Variants in DNAH10 observed in about 807,000 individuals in gnomAD.
The protein encoded by DNAH10 is axonemal beta dynein heavy chain 10.
In DNAH10, 348 loss-of-function variants were observed where a neutral mutation model predicts 506.6. That is an observed-to-expected ratio of 0.69 (90% CI 0.63 to 0.75). The LOEUF (loss-of-function observed/expected upper bound fraction) is 0.75. DNAH10 is among the 30% of genes least tolerant of loss of function. DNAH10 has a pLI of 0.00. For synonymous variants in DNAH10, 2,059 were observed against 2,198.6 expected (o/e 0.94, Z 1.78); for missense variants, 5,179 against 5,787.1 (o/e 0.89, Z 3.41).
In DNAH10 at chr12:123,929,364, C is replaced by A. The variant is rs1362914781; in HGVS notation, c.12396C>A (p.His4132Gln). Residue 4132 changes from histidine (H) to glutamine (Q), a missense_variant, in exon 71 of 79, where the codon CAC (histidine) becomes CAA (glutamine). Coordinates refer to ENST00000673944, the MANE Select transcript of DNAH10 (RefSeq NM_001372106.1). Reference protein sequence around the residue: ...ISHEMLDQCPHPAFKPLVYVL... With the variant: ...ISHEMLDQCPQPAFKPLVYVL... Reference sequence around the variant, plus strand: ...ACGAAATGCTGGACCAGTGCCCGCACCCTGCCTTCAAGCCGCTGGTCTACG... The same window carrying A: ...ACGAAATGCTGGACCAGTGCCCGCAACCTGCCTTCAAGCCGCTGGTCTACG... 6.2e-7 allele frequency: 1 copy of A among 1,611,642 alleles called. No individual in the cohort carries two copies. The highest frequency in any genetic ancestry group is 1.1e-5 in the South Asian group (1 of 90,320).
intron 5 of DNAH10, among the ~76,000 whole-genome samples, chr12:123,777,719 C>T (rs1300684456): frequency 6.6e-6 from 1 of 152,198 alleles, no homozygotes; most frequent in Non-Finnish European, 1.5e-5. Context: ...GAGCATGGCT[C>T]ACTGCAGCCT....
intron 26 of DNAH10, among the ~76,000 whole-genome samples, chr12:123,831,061 C>T (rs1176802021): frequency 6.6e-6 from 1 of 152,010 alleles, no homozygotes; most frequent in Non-Finnish European, 1.5e-5. Context: ...TTTTGTTGTT[C>T]CCAATTGTAG....
Position 123,909,463 on chromosome 12 carries a change from G to A in DNAH10, c.9997+21G>A. The A allele has an allele frequency of 6.5e-7, 1 of 1,536,916 alleles. No individual in the cohort carries two copies. The highest frequency in any genetic ancestry group is 8.8e-7 in the Non-Finnish European group (1 of 1,138,102). ...CAAAGGTGAGTGTAGCCACGTGTGG[G>A]AATCGCCAGGGTGGATCTCGGTCTG... On this transcript the variant is annotated intron_variant, in intron 58 of 78. Coordinates refer to ENST00000673944, the MANE Select transcript of DNAH10 (RefSeq NM_001372106.1). The surrounding 1 kb of genome is among the most constrained non-coding windows in gnomAD (Gnocchi z 5.4).
chr12:123,859,833 G>C (rs774204145), intron 38 of DNAH10, among the ~76,000 whole-genome samples: 6 of 151,988 alleles, frequency 3.9e-5, no homozygotes, highest in Non-Finnish European at 8.8e-5. Context: ...AGGATTTTGA[G>C]AACAGCCTGG....
At position 123,897,767 on chromosome 12, in the gene DNAH10, C is replaced by A; in HGVS notation, c.9281-3C>A. Reference sequence around the variant, plus strand: ...AAAACATTTTTTATTCCTTCCTCTTCAGGGTATAATCCAATGATCCCGGCA... The same window carrying A: ...AAAACATTTTTTATTCCTTCCTCTTAAGGGTATAATCCAATGATCCCGGCA... On this transcript the variant is annotated splice_region_variant and splice_polypyrimidine_tract_variant and intron_variant, in intron 54 of 78. Transcript: ENST00000673944. 1 of 1,595,790 alleles carries A rather than the reference C, an allele frequency of 6.3e-7. No individual in the cohort carries two copies. Among genetic ancestry groups the A allele is most frequent in the Non-Finnish European group, 8.5e-7 (1 of 1,175,518 alleles).
intron 38 of DNAH10, among the ~76,000 whole-genome samples, chr12:123,860,302 G>A (rs1260293582): frequency 6.6e-6 from 1 of 152,196 alleles, no homozygotes; most frequent in Non-Finnish European, 1.5e-5. Flanking sequence ...AAAACCAGTC[G>A]ACAGTGGCTT....
chr12:123,866,496 G>A (rs1951817835), intron 41 of DNAH10, among the ~76,000 whole-genome samples: 1 of 152,078 alleles, frequency 6.6e-6, no homozygotes, highest in Non-Finnish European at 1.5e-5. Context: ...GCCCGCCTCA[G>A]CCTCCCAAAG....
At position 123,925,121 on chromosome 12, in the gene DNAH10, G is replaced by A; in HGVS notation, c.11838G>A (p.Gln3946=). The change falls in exon 68 of 79, where the codon CAG becomes CAA. Residue 3946 remains glutamine, a synonymous_variant. Transcript: ENST00000673944. The surrounding 1 kb of genome is among the most constrained non-coding windows in gnomAD (Gnocchi z 4.0). ...ACGATAACAACATCACCCCTTTCCAGAAGTTGCTTATTTTGCGCTGTTTCC... is the reference window on the plus strand; with the variant it reads ...ACGATAACAACATCACCCCTTTCCAAAAGTTGCTTATTTTGCGCTGTTTCC... ...LGYDNNITPF[Q]KLLILRCFRV... is the part of the protein sequence containing the mutation. 1 of 1,614,050 alleles carries A rather than the reference G, an allele frequency of 6.2e-7. No homozygotes were observed. The highest frequency in any genetic ancestry group is 8.5e-7 in the Non-Finnish European group (1 of 1,179,896).
At position 123,784,061 on chromosome 12, in the gene DNAH10, G is replaced by A. The variant is rs1351107783; in HGVS notation, c.1114G>A (p.Glu372Lys). 6.2e-7 allele frequency: 1 copy of A among 1,613,982 alleles called. No individual in the cohort carries two copies. The highest frequency in any genetic ancestry group is 1.1e-5 in the South Asian group (1 of 91,082). The change falls in exon 8 of 79, where the codon GAA (glutamate) becomes AAA (lysine). Residue 372 changes from glutamate to lysine, a missense_variant. Coordinates refer to ENST00000673944, the MANE Select transcript of DNAH10 (RefSeq NM_001372106.1). ...IVRKVLDVIK[E>K]SDSMLVANLQ... Reference sequence around the variant, plus strand: ...CAGAAAAGTCTTGGATGTGATCAAGGAATCCGACTCCATGCTTGTGGCTAA... The same window carrying A: ...CAGAAAAGTCTTGGATGTGATCAAGAAATCCGACTCCATGCTTGTGGCTAA...
In DNAH10 at chr12:123,853,813, C is replaced by T. The variant is rs7980570; in HGVS notation, c.6438+461C>T. Among the ~76,000 whole-genome samples the T allele has an allele frequency of 0.33, 49,844 of 151,674 alleles. 8,278 individuals carry two copies. Among genetic ancestry groups the T allele is most frequent in the Middle Eastern group, 0.41 (121 of 294 alleles). ...TCTAGTGACTGTACTCAATGTTGCACGCACACACGCACGCACACACACGCA... is the reference window on the plus strand; with the variant it reads ...TCTAGTGACTGTACTCAATGTTGCATGCACACACGCACGCACACACACGCA... On this transcript the variant is annotated intron_variant, in intron 36 of 78. Transcript: ENST00000673944. The surrounding 1 kb of genome is among the most constrained non-coding windows in gnomAD (Gnocchi z 4.7).
rs777866524 is a variant in DNAH10, at chr12:123,826,823, T to C, written c.4316T>C (p.Leu1439Ser). The stretch of plus-strand genomic sequence containing the variant: ...CGTGGCTTATCAGTGACCTACTACT[T>C]GGAAGCAAAAATGAAGGCATTCAAA... ...PVRGLSVTYY[L>S]EAKMKAFKDS... is the part of the protein sequence containing the mutation. Residue 1439 changes from leucine (L) to serine (S), a missense_variant, in exon 25 of 79, where the codon TTG becomes TCG. By Grantham distance (145) the Leu-to-Ser change is moderately radical (BLOSUM62 -2). Coordinates refer to ENST00000673944, the MANE Select transcript of DNAH10 (RefSeq NM_001372106.1). 1 of 1,613,944 alleles carries C rather than the reference T, an allele frequency of 6.2e-7. No individual in the cohort carries two copies. Among genetic ancestry groups the C allele is most frequent in the Non-Finnish European group, 8.5e-7 (1 of 1,179,862 alleles).
intron 76 of DNAH10, 96 bp from the exon 77 acceptor site, chr12:123,933,235 T>A: frequency 8.3e-7 from 1 of 1,209,360 alleles, no homozygotes; most frequent in Non-Finnish European, 1.1e-6. Context: ...TTAGGTGAAA[T>A]ATGTCTTTTA....
At chr12:123,912,933 C>T (rs186107687) in intron 59 of DNAH10, among the ~76,000 whole-genome samples, 165 bp from the exon 60 acceptor site, 52 of 152,206 alleles carry the variant, frequency 3.4e-4, no homozygotes, top group Admixed American at 2.2e-3. Context: ...AGCAAACAGT[C>T]GAAGAAGAAA....
At chr12:123,810,859 G>A (rs1958906619) in intron 19 of DNAH10, among the ~76,000 whole-genome samples, 1 of 151,978 alleles carries the variant, frequency 6.6e-6, no homozygotes, top group Middle Eastern at 3.2e-3. Flanking sequence ...TAAATAAATA[G>A]GAAAGTTGGC....
In DNAH10 at chr12:123,916,810, C is replaced by T; in HGVS notation, c.11002+74C>T. 1.3e-6 allele frequency: 2 copies of T among 1,496,716 alleles called. No individual in the cohort carries two copies. Among genetic ancestry groups the T allele is most frequent in the Non-Finnish European group, 1.8e-6 (2 of 1,121,186 alleles). 92.7% of individuals were successfully genotyped at this position (1,496,716 alleles called of 1,614,324 possible). A position where few individuals can be genotyped will look rare whatever the true frequency, so the allele number is the denominator to read the frequency against. ...GACCGCAACCTCAGATCAAGGCATTCATGGGACATCATTTCACTCAGTGAC... is the reference window on the plus strand; with the variant it reads ...GACCGCAACCTCAGATCAAGGCATTTATGGGACATCATTTCACTCAGTGAC... On this transcript the variant is annotated intron_variant, in intron 63 of 78. Coordinates refer to ENST00000673944, the MANE Select transcript of DNAH10 (RefSeq NM_001372106.1). The surrounding 1 kb of genome is among the most constrained non-coding windows in gnomAD (Gnocchi z 4.6).
At chr12:123,806,942 G>T (rs1594074634) in intron 18 of DNAH10, among the ~76,000 whole-genome samples, 1 of 151,992 alleles carries the variant, frequency 6.6e-6, no homozygotes, top group South Asian at 2.1e-4. Context: ...TAATTCTTTT[G>T]TATTTTTAGT....
chr12:123,804,974 A>G lies in DNAH10; in HGVS notation c.2921A>G (p.Lys974Arg). ...CACACCAACACAGGCAAGGCCCCCA[A>G]GCTGGCCTCCTACTACAAATACTGG... ...VVHTNTGKAP[K>R]LASYYKYWEK... Residue 974 changes from lysine (K) to arginine (R), a missense_variant, in exon 18 of 79, where the codon AAG (lysine) becomes AGG (arginine). Physicochemically the swap from Lys to Arg is conservative, Grantham distance 26. This residue lies in a region of DNAH10 where 4,844 missense variants were observed against 5,430.5 expected (regional missense o/e 0.89). Transcript: ENST00000673944. 1 of 1,614,238 alleles carries G rather than the reference A, an allele frequency of 6.2e-7. No individual in the cohort carries two copies. The highest frequency in any genetic ancestry group is 1.1e-5 in the South Asian group (1 of 91,084).
chr12:123,787,909 G>A lies in DNAH10; in HGVS notation c.1527G>A (p.Gly509=), dbSNP rs1957923688. 1 of 1,611,940 alleles carries A rather than the reference G, an allele frequency of 6.2e-7. No homozygotes were observed. The highest frequency in any genetic ancestry group is 1.1e-5 in the South Asian group (1 of 90,506). The change falls in exon 10 of 79, where the codon GGG becomes GGA. Residue 509 remains glycine, a synonymous_variant. Coordinates refer to ENST00000673944, the MANE Select transcript of DNAH10 (RefSeq NM_001372106.1). The surrounding 1 kb of genome is among the most constrained non-coding windows in gnomAD (Gnocchi z 4.6). The stretch of plus-strand genomic sequence containing the variant: ...CCCGGGCCAAGATAGAGGCTTCGGG[G>A]AGGGAAGATCGGTGGGAGTTTGACC... ...FDTRAKIEAS[G]REDRWEFDRK...
chr12:123,884,796 A>G (rs1445123621), intron 51 of DNAH10, among the ~76,000 whole-genome samples: 1 of 152,242 alleles, frequency 6.6e-6, no homozygotes, highest in African/African-American at 2.4e-5. Flanking sequence ...TAAATGGAAT[A>G]ATCCTCACTG....
Sources: allele counts gnomAD v4.1 joint callset (sites outside exome capture counted in the v4.1 genomes callset), GRCh38; gene constraint gnomAD v4.1.1; regional missense constraint gnomAD v4.1.1; non-coding constraint Gnocchi (gnomAD v3.1); transcripts MANE v1.5; gene names NCBI Gene and HGNC (gene_info 2026-07-23, HGNC 2026-07-21).